Variants in TRPS1 observed in about 807,000 individuals in gnomAD.
TRPS1 encodes transcriptional repressor GATA binding 1.
A neutral mutation model predicts 101.2 loss-of-function variants in TRPS1; 6 were observed. The ratio of observed to expected loss-of-function variants is 0.06; its 90% CI spans 0.03 to 0.12. The LOEUF (loss-of-function observed/expected upper bound fraction) is 0.12. Ranked by LOEUF, TRPS1 falls within the 10% of genes least tolerant of loss-of-function variation. The pLI is 1.00. For synonymous variants in TRPS1, 578 were observed against 589.8 expected (o/e 0.98, Z 0.29); for missense variants, 1,363 against 1,567.0 (o/e 0.87, Z 2.20).
At chr8:115,539,942 G>A (rs552671661) in intron 5 of TRPS1, among the ~76,000 whole-genome samples, 15 of 152,300 alleles carry the variant, frequency 9.8e-5, no homozygotes, top group South Asian at 2.1e-4. Flanking sequence ...CTGCTCCTAA[G>A]AATCATGTTT....
In TRPS1 at chr8:115,411,784, T is replaced by C. The variant is rs1459089884; in HGVS notation, c.*2239A>G. 2.0e-5 allele frequency: 3 copies of C among 152,172 alleles called. No individual in the cohort carries two copies. Among genetic ancestry groups the C allele is most frequent in the African/African-American group, 7.2e-5 (3 of 41,414 alleles). 9.4% of individuals were successfully genotyped at this position (152,172 alleles called of 1,614,324 possible). A position where few individuals can be genotyped will look rare whatever the true frequency, so the allele number is the denominator to read the frequency against. On this transcript the variant is annotated 3_prime_UTR_variant, in exon 7 of 7. Coordinates refer to ENST00000395715, the MANE Select transcript of TRPS1 (RefSeq NM_014112.5). ...CTTAGTCCTGATTTCTGTCTCTTGC[T>C]TTCTCTTTTCTCTTTTTTTAATATG...
chr8:115,657,409 A>G (rs768422464), intron 1 of TRPS1, among the ~76,000 whole-genome samples: 5 of 152,112 alleles, frequency 3.3e-5, no homozygotes, highest in African/African-American at 4.8e-5. Context: ...CATTTATTGA[A>G]CTACACTAGC....
At chr8:115,636,985 C>G (rs1818782976) in intron 1 of TRPS1, among the ~76,000 whole-genome samples, 1 of 151,854 alleles carries the variant, frequency 6.6e-6, no homozygotes, top group Non-Finnish European at 1.5e-5. Context: ...TAAATGTTTG[C>G]TATCTTTTAT....
At position 115,451,761 on chromosome 8, in the gene TRPS1, T is replaced by C. The variant is rs139717075; in HGVS notation, c.2701-33309A>G. Among the ~76,000 whole-genome samples the C allele has an allele frequency of 1.4e-4, 22 of 152,336 alleles. No homozygotes were observed. In the East Asian group the frequency reaches 1.9e-3, roughly 13 times the overall value. On this transcript the variant is annotated intron_variant, in intron 5 of 6. Coordinates refer to ENST00000395715, the MANE Select transcript of TRPS1 (RefSeq NM_014112.5). ...GTTCGTTTGTTTTCACCTCACCATT[T>C]TGTTATGATGTATAGGCAATGAGCC...
intron 5 of TRPS1, among the ~76,000 whole-genome samples, chr8:115,573,479 A>G (rs1181588454): frequency 6.6e-6 from 1 of 152,164 alleles, no homozygotes; most frequent in Non-Finnish European, 1.5e-5. Context: ...CTGTCTGCTC[A>G]GCATAGCTAC....
chr8:115,488,300 A>G (rs959672973), intron 5 of TRPS1, among the ~76,000 whole-genome samples: 38 of 152,208 alleles, frequency 2.5e-4, no homozygotes, highest in Non-Finnish European at 4.4e-5. Context: ...TGAGAAGCCA[A>G]AATATTCATG....
chr8:115,667,948 C>T, intron 1 of TRPS1: 2 of 1,530,110 alleles, frequency 1.3e-6, no homozygotes, highest in Non-Finnish European at 1.7e-6. Flanking sequence ...GCGGCGGCGG[C>T]GGCGGCCCCT....
chr8:115,589,241 G>A (rs562085147), intron 4 of TRPS1, among the ~76,000 whole-genome samples: 1 of 152,092 alleles, frequency 6.6e-6, no homozygotes, highest in Non-Finnish European at 1.5e-5. Flanking sequence ...GGTAGGGACA[G>A]GGGATCTCGT....
At chr8:115,550,593 A>G (rs1294906891) in intron 5 of TRPS1, among the ~76,000 whole-genome samples, 1 of 152,208 alleles carries the variant, frequency 6.6e-6, no homozygotes, top group Non-Finnish European at 1.5e-5. Context: ...AGAAACAGCT[A>G]CTTTGCAAAG....
At chr8:115,496,609 G>T (rs1457199797) in intron 5 of TRPS1, among the ~76,000 whole-genome samples, 2 of 151,990 alleles carry the variant, frequency 1.3e-5, no homozygotes, top group East Asian at 3.9e-4. Context: ...AGTGCCAGGG[G>T]AGAAAAAAAT....
rs1816600184 is a variant in TRPS1 at position 115,547,361 on chromosome 8, CT to C, written c.2700+39639del. 2.6e-5 allele frequency among the ~76,000 whole-genome samples: 4 copies of C among 152,008 alleles called. No individual in the cohort carries two copies. The South Asian group carries it at 8.3e-4, about 32-fold the overall frequency. On this transcript the variant is annotated intron_variant, in intron 5 of 6. Transcript: ENST00000395715. ...GCCCTCTCTCCCTCTGCCTCTCCGT[CT>C]TTTTAACTCTGTGCTAAGCTGAAAT...
intron 4 of TRPS1, among the ~76,000 whole-genome samples, chr8:115,588,733 A>T (rs1041363789): frequency 6.6e-6 from 1 of 152,222 alleles, no homozygotes; most frequent in African/African-American, 2.4e-5. Flanking sequence ...CTTGCTATGA[A>T]TTACCAAATT....
At chr8:115,553,881 T>A (rs1001811229) in intron 5 of TRPS1, among the ~76,000 whole-genome samples, 16 of 152,162 alleles carry the variant, frequency 1.1e-4, no homozygotes, top group African/African-American at 3.9e-4. Context: ...TATGTGGAGT[T>A]CATGATATTC....
intron 5 of TRPS1, among the ~76,000 whole-genome samples, 173 bp downstream of exon 5, chr8:115,586,828 C>A (rs1305457675): frequency 6.6e-6 from 1 of 152,210 alleles, no homozygotes. Context: ...ACAGCACACA[C>A]AAACACACAT....
chr8:115,547,180 G>A (rs1816593827), intron 5 of TRPS1, among the ~76,000 whole-genome samples: 1 of 152,092 alleles, frequency 6.6e-6, no homozygotes, highest in African/African-American at 2.4e-5. Flanking sequence ...ATGATTAAAA[G>A]ATGCTTTTAT....
intron 5 of TRPS1, among the ~76,000 whole-genome samples, chr8:115,471,822 G>A (rs1174325323): frequency 6.6e-6 from 1 of 152,122 alleles, no homozygotes; most frequent in Non-Finnish European, 1.5e-5. Context: ...AATCCACTAG[G>A]GCAGCCAAAT....
rs184036231 is a variant in TRPS1 at position 115,656,833 on chromosome 8, C to T, written c.-122+11712G>A. Among the ~76,000 whole-genome samples the T allele has an allele frequency of 1.8e-4, 27 of 152,146 alleles. No homozygotes were observed. In the East Asian group the frequency reaches 4.8e-3, roughly 27 times the overall value. On this transcript the variant is annotated intron_variant, in intron 1 of 6. Transcript: ENST00000395715. ...ACAAAATAAGTGCAAAATTCATTTG[C>T]ATTTTACAGGCAATAACAAGGTTTC...
At chr8:115,533,460 C>CTTTT (rs1816200851) in intron 5 of TRPS1, among the ~76,000 whole-genome samples, 1 of 95,998 alleles carries the variant, frequency 1.0e-5, no homozygotes, top group Non-Finnish European at 1.8e-5. Context: ...TTTTTTTTTT[C>CTTTT]CTGAAAAAAA....
At chr8:115,596,948 T>C (rs528561381) in intron 4 of TRPS1, among the ~76,000 whole-genome samples, 1 of 152,096 alleles carries the variant, frequency 6.6e-6, no homozygotes, top group East Asian at 1.9e-4. Flanking sequence ...ATAAGATTCA[T>C]TTATGTTGTA....
Sources: allele counts gnomAD v4.1 joint callset (sites outside exome capture counted in the v4.1 genomes callset), GRCh38; gene constraint gnomAD v4.1.1; transcripts MANE v1.5; gene names NCBI Gene and HGNC (gene_info 2026-07-23, HGNC 2026-07-21).